Variants in ABCC4 observed in about 807,000 individuals in gnomAD.
The protein encoded by ABCC4 is ATP-binding cassette sub-family C member 4.
A neutral mutation model predicts 168.5 loss-of-function variants in ABCC4; 102 were observed. That is an observed-to-expected ratio of 0.61 (90% CI 0.52 to 0.71). ABCC4 has a LOEUF of 0.71. ABCC4 is among the 30% of genes least tolerant of loss of function. ABCC4 has a pLI of 0.00. For missense variants in ABCC4, 1,402 were observed against 1,605.8 expected, an observed-to-expected ratio of 0.87 and a Z score of 2.17; for synonymous variants, 617 against 590.7, an observed-to-expected ratio of 1.04 and a Z score of -0.65.
intron 29 of ABCC4, among the ~76,000 whole-genome samples, chr13:95,039,417 A>C (rs372102011): frequency 5.3e-5 from 8 of 152,292 alleles, no homozygotes; most frequent in Admixed American, 3.3e-4. Flanking sequence ...TTTGTACAGA[A>C]AAAAGGGCAT....
chr13:95,105,777 G>A (rs2034982227), intron 20 of ABCC4, among the ~76,000 whole-genome samples: 1 of 152,186 alleles, frequency 6.6e-6, no homozygotes, highest in African/African-American at 2.4e-5. Context: ...GGAATGGAGT[G>A]ATCTGCTGTC....
chr13:95,156,745 G>A (rs185397507), intron 19 of ABCC4, among the ~76,000 whole-genome samples: 63 of 152,168 alleles, frequency 4.1e-4, no homozygotes, highest in Non-Finnish European at 7.5e-4. Context: ...CATCAAAAGA[G>A]GAAAGAATAA....
chr13:95,177,599 G>T, intron 13 of ABCC4, 108 bp downstream of exon 13: 1 of 795,816 alleles, frequency 1.3e-6, no homozygotes, highest in Non-Finnish European at 2.0e-6. Flanking sequence ...GTGTGGGGAG[G>T]GGAGCGGACA....
chr13:95,164,938 C>T (rs1449191706), intron 15 of ABCC4, among the ~76,000 whole-genome samples: 1 of 152,100 alleles, frequency 6.6e-6, no homozygotes, highest in Non-Finnish European at 1.5e-5. Flanking sequence ...CTCAGGTGAT[C>T]CTCTCACCTC....
intron 21 of ABCC4, among the ~76,000 whole-genome samples, chr13:95,080,336 T>G (rs2034049096): frequency 6.6e-6 from 1 of 152,218 alleles, no homozygotes; most frequent in African/African-American, 2.4e-5. Context: ...GACTGACTGT[T>G]GATGTGGTGA....
intron 25 of ABCC4, 139 bp downstream of exon 25, chr13:95,071,523 T>C: frequency 2.9e-6 from 2 of 679,588 alleles, no homozygotes; most frequent in Non-Finnish European, 4.3e-6. Flanking sequence ...AATGTTGGTA[T>C]CCACATTCCA....
At chr13:95,225,664 T>C (rs2039443056) in intron 4 of ABCC4, among the ~76,000 whole-genome samples, 1 of 152,056 alleles carries the variant, frequency 6.6e-6, no homozygotes. Flanking sequence ...AGCGAGAGTC[T>C]GTCTCAAAAA....
At chr13:95,126,469 G>A (rs775144183) in intron 19 of ABCC4, among the ~76,000 whole-genome samples, 1 of 151,946 alleles carries the variant, frequency 6.6e-6, no homozygotes, top group Non-Finnish European at 1.5e-5. Context: ...ACAAGTATAT[G>A]TAATACTCAA....
At chr13:95,141,571 T>C (rs2036319902) in intron 19 of ABCC4, among the ~76,000 whole-genome samples, 1 of 152,066 alleles carries the variant, frequency 6.6e-6, no homozygotes, top group Non-Finnish European at 1.5e-5. Context: ...GGGGTATCAA[T>C]GAAGTTTTTA....
At chr13:95,108,958 G>C (rs949463283) in intron 20 of ABCC4, among the ~76,000 whole-genome samples, 3 of 151,970 alleles carry the variant, frequency 2.0e-5, no homozygotes, top group Non-Finnish European at 4.4e-5. Context: ...GACTATGCTG[G>C]TCCAGTCATT....
At chr13:95,148,947 A>C (rs1369151745) in intron 19 of ABCC4, 1 of 152,172 alleles carries the variant, frequency 6.6e-6, no homozygotes, top group African/African-American at 2.4e-5. Flanking sequence ...TCGTGTGTGA[A>C]AGGAGATGAG....
At chr13:95,022,483 G>A (rs560663288) in intron 30 of ABCC4, among the ~76,000 whole-genome samples, 5 of 152,136 alleles carry the variant, frequency 3.3e-5, no homozygotes, top group Admixed American at 1.3e-4. Flanking sequence ...TAGCTGTATC[G>A]TATCTTGGTT....
At chr13:95,230,209 AAC>A (rs1264233045) in intron 4 of ABCC4, among the ~76,000 whole-genome samples, 1 of 152,230 alleles carries the variant, frequency 6.6e-6, no homozygotes, top group Non-Finnish European at 1.5e-5. Context: ...TGTAAGAAAT[AAC>A]ACAGAGTTCC....
intron 20 of ABCC4, among the ~76,000 whole-genome samples, chr13:95,099,771 T>C (rs2034733204): frequency 6.6e-6 from 1 of 152,144 alleles, no homozygotes; most frequent in Non-Finnish European, 1.5e-5. Flanking sequence ...ATCGGCTTCA[T>C]GACTCAACGC....
intron 6 of ABCC4, 125 bp downstream of exon 6, chr13:95,209,309 G>A: frequency 1.7e-6 from 2 of 1,152,556 alleles, no homozygotes; most frequent in South Asian, 3.2e-5. Flanking sequence ...TGAGCCTGAA[G>A]AGCTGCAACA....
At chr13:95,228,853 A>G (rs1189352992) in intron 4 of ABCC4, among the ~76,000 whole-genome samples, 6 of 151,924 alleles carry the variant, frequency 3.9e-5, no homozygotes, top group Admixed American at 2.0e-4. Context: ...TGAGCCCAGG[A>G]GTTCGAGACC....
chr13:95,158,029 G>A (rs924171971), intron 19 of ABCC4, among the ~76,000 whole-genome samples: 1 of 147,990 alleles, frequency 6.8e-6, no homozygotes, highest in African/African-American at 2.5e-5. Flanking sequence ...CCAAGATCAC[G>A]CCACTGCACT....
chr13:95,147,460 T>C (rs139725769), intron 19 of ABCC4, among the ~76,000 whole-genome samples: 95 of 152,300 alleles, frequency 6.2e-4, no homozygotes, highest in Middle Eastern at 3.4e-3. Flanking sequence ...GTCCATCTGA[T>C]AGAAATGTAG....
chr13:95,217,797 C>G (rs2039164528), intron 4 of ABCC4, among the ~76,000 whole-genome samples: 1 of 152,120 alleles, frequency 6.6e-6, no homozygotes, highest in Admixed American at 6.6e-5. Flanking sequence ...GATGCAAATT[C>G]CTCACAACAA....
Sources: allele counts gnomAD v4.1 joint callset (sites outside exome capture counted in the v4.1 genomes callset), GRCh38; gene constraint gnomAD v4.1.1; transcripts MANE v1.5; gene names NCBI Gene and HGNC (gene_info 2026-07-23, HGNC 2026-07-21).